Variants in PID1 observed in about 807,000 individuals in gnomAD.
The protein encoded by PID1 is phosphotyrosine interaction domain containing 1, also known as PTB-containing, cubilin and LRP1-interacting protein.
Under a neutral mutation model 19.1 loss-of-function variants are expected in PID1, and 10 were observed. The observed-to-expected ratio is 0.52, with a 90% CI of 0.32 to 0.89. PID1 has a LOEUF of 0.89. PID1 is among the 40% of genes least tolerant of loss of function. PID1 has a pLI of 0.03. For missense variants in PID1, 248 were observed against 285.3 expected, an observed-to-expected ratio of 0.87 and a Z score of 0.94; for synonymous variants, 130 against 116.0, an observed-to-expected ratio of 1.12 and a Z score of -0.78.
chr2:229,182,823 C>A (rs1690975752), intron 1 of PID1, among the ~76,000 whole-genome samples: 1 of 152,208 alleles, frequency 6.6e-6, no homozygotes, highest in South Asian at 2.1e-4. Flanking sequence ...ACCAAGCTGG[C>A]TGTTAACGTA....
intron 1 of PID1, among the ~76,000 whole-genome samples, chr2:229,226,288 C>T (rs968922138): frequency 2.0e-5 from 3 of 152,192 alleles, no homozygotes; most frequent in African/African-American, 7.2e-5. Flanking sequence ...GCACTTCTCA[C>T]ACTTCCCAAC....
At chr2:229,052,106 C>T (rs79143772) in intron 2 of PID1, among the ~76,000 whole-genome samples, 2,435 of 152,236 alleles carry the variant, frequency 0.016, 64 homozygotes, top group African/African-American at 0.056. Context: ...ACGCCCTCCA[C>T]TTCTCTATTT....
chr2:229,110,377 G>A (rs578060507), intron 2 of PID1, among the ~76,000 whole-genome samples: 10 of 152,132 alleles, frequency 6.6e-5, no homozygotes, highest in Non-Finnish European at 1.2e-4. Flanking sequence ...TCCAAGACAA[G>A]AGTCCTAATT....
chr2:229,201,163 T>C (rs1574716556), intron 1 of PID1, among the ~76,000 whole-genome samples: 1 of 152,130 alleles, frequency 6.6e-6, no homozygotes, highest in Non-Finnish European at 1.5e-5. Context: ...TTTTTCAGTG[T>C]ACAGTTCAGT....
At chr2:229,232,269 C>A (rs773409524) in intron 1 of PID1, among the ~76,000 whole-genome samples, 13 of 151,106 alleles carry the variant, frequency 8.6e-5, no homozygotes, top group East Asian at 3.9e-4. Context: ...TAAAAACACA[C>A]AAAAAAATAA....
intron 2 of PID1, among the ~76,000 whole-genome samples, chr2:229,100,980 A>G (rs1230404450): frequency 6.6e-6 from 1 of 152,202 alleles, no homozygotes; most frequent in Non-Finnish European, 1.5e-5. Context: ...CTGTGTTCCT[A>G]CTGAATACAT....
intron 2 of PID1, among the ~76,000 whole-genome samples, chr2:229,043,534 G>A (rs563793780): frequency 2.4e-4 from 37 of 152,284 alleles, no homozygotes; most frequent in Non-Finnish European, 4.7e-4. Flanking sequence ...TGAGACGAAC[G>A]GCTACTTCAG....
intron 2 of PID1, among the ~76,000 whole-genome samples, chr2:229,086,994 T>C (rs1331114076): frequency 1.3e-5 from 2 of 151,908 alleles, no homozygotes; most frequent in African/African-American, 4.8e-5. Context: ...GCTGTCAGAA[T>C]GAATACTACG....
At chr2:229,160,562 G>A (rs1365214055) in intron 1 of PID1, among the ~76,000 whole-genome samples, 1 of 152,098 alleles carries the variant, frequency 6.6e-6, no homozygotes, top group Admixed American at 6.6e-5. Flanking sequence ...ACTGTGATAG[G>A]CACAGCTGGA....
At chr2:229,118,500 T>C (rs888348284) in intron 2 of PID1, among the ~76,000 whole-genome samples, 5 of 152,184 alleles carry the variant, frequency 3.3e-5, no homozygotes, top group African/African-American at 4.8e-5. Flanking sequence ...AGTCATTTAA[T>C]AGCGCTACAT....
At chr2:229,108,772 G>C (rs1202794879) in intron 2 of PID1, among the ~76,000 whole-genome samples, 2 of 152,124 alleles carry the variant, frequency 1.3e-5, no homozygotes, top group South Asian at 4.2e-4. Context: ...TGTCTAAGGA[G>C]CCTGGACACA....
At chr2:229,136,446 T>C (rs1038298554) in intron 2 of PID1, among the ~76,000 whole-genome samples, 13 of 152,172 alleles carry the variant, frequency 8.5e-5, no homozygotes, top group African/African-American at 3.1e-4. Flanking sequence ...GTTAATTTCT[T>C]ATGCAACAAT....
intron 1 of PID1, among the ~76,000 whole-genome samples, chr2:229,218,293 CAAAAAAAAA>C (rs67801043): frequency 1.2e-4 from 8 of 67,604 alleles, no homozygotes; most frequent in Admixed American, 2.1e-4. Context: ...GTTTCCTGAG[CAAAAAAAAA>C]AAAAAAAAAA....
intron 1 of PID1, among the ~76,000 whole-genome samples, chr2:229,260,816 C>CTTTTTTTTTTTTTTTTTTT (rs1319033110): frequency 8.3e-6 from 1 of 121,188 alleles, no homozygotes. Context: ...TTCTGATTGC[C>CTTTTTTTTTTTTTTTTTTT]ATTTTTTTTT....
At chr2:229,201,444 T>C (rs1691497659) in intron 1 of PID1, among the ~76,000 whole-genome samples, 1 of 152,086 alleles carries the variant, frequency 6.6e-6, no homozygotes. Context: ...TGTCGTGGCA[T>C]GTGTCAGAAT....
intron 1 of PID1, among the ~76,000 whole-genome samples, chr2:229,241,359 G>A (rs1262657758): frequency 6.6e-6 from 1 of 152,024 alleles, no homozygotes; most frequent in East Asian, 1.9e-4. Context: ...TTAAATTACT[G>A]GCTAATCACC....
In PID1 at chr2:229,269,117, G is replaced by A. The variant is rs1348524254; in HGVS notation, c.30+1897C>T. Among the ~76,000 whole-genome samples, 4 of 150,810 alleles carry A rather than the reference G, an allele frequency of 2.7e-5. No individual in the cohort carries two copies. In the South Asian group the frequency reaches 8.3e-4, roughly 31 times the overall value. On this transcript the variant is annotated intron_variant, in intron 1 of 2. Transcript: ENST00000392055. ...CTCATCGAAATTTGGGCAGCATGAA[G>A]TTGAGCCCCCTGTTGGTAAGGACCT...
In PID1 at chr2:229,104,346, T is replaced by C. The variant is rs569140008; in HGVS notation, c.177+51472A>G. 9.2e-5 allele frequency among the ~76,000 whole-genome samples: 14 copies of C among 152,356 alleles called. No homozygotes were observed. In the East Asian group the frequency reaches 2.7e-3, roughly 29 times the overall value. On this transcript the variant is annotated intron_variant, in intron 2 of 2. Transcript: ENST00000392055. ...CAGGAAATGTTTACTATGAACAGCA[T>C]ATTGAACAATGCAATTGAAAACAGA...
At chr2:229,067,108 G>T (rs1694343423) in intron 2 of PID1, among the ~76,000 whole-genome samples, 1 of 152,066 alleles carries the variant, frequency 6.6e-6, no homozygotes, top group Non-Finnish European at 1.5e-5. Context: ...TCTTCACATT[G>T]GGGCAGGAAG....
Sources: allele counts gnomAD v4.1 joint callset (sites outside exome capture counted in the v4.1 genomes callset), GRCh38; gene constraint gnomAD v4.1.1; transcripts MANE v1.5; gene names NCBI Gene and HGNC (gene_info 2026-07-23, HGNC 2026-07-21).